The following KAZN variants were observed in gnomAD, a reference collection of about 807,000 sequenced individuals.
KAZN encodes the protein kazrin.
A neutral mutation model predicts 87.4 loss-of-function variants in KAZN; 40 were observed. That is an observed-to-expected ratio of 0.46 (90% CI 0.36 to 0.60). The LOEUF (loss-of-function observed/expected upper bound fraction) is 0.60. Among genes scored for constraint, KAZN ranks in the 20% least tolerant of loss-of-function variants. KAZN has a pLI of 0.00. For missense variants in KAZN, 898 were observed against 1,073.9 expected, an observed-to-expected ratio of 0.84 and a Z score of 2.29; for synonymous variants, 466 against 458.3, an observed-to-expected ratio of 1.02 and a Z score of -0.22.
At chr1:14,302,084 G>A (rs1043482241) in intron 2 of KAZN, among the ~76,000 whole-genome samples, 1 of 152,186 alleles carries the variant, frequency 6.6e-6, no homozygotes, top group East Asian at 1.9e-4. Flanking sequence ...CTGGATAAAT[G>A]TGTGGAAAAA....
chr1:14,335,766 G>C (rs1196199699), intron 2 of KAZN, among the ~76,000 whole-genome samples: 1 of 150,436 alleles, frequency 6.6e-6, no homozygotes, highest in Non-Finnish European at 1.5e-5. Flanking sequence ...CACACAGAGA[G>C]AGAGAGAGAG....
intron 1 of KAZN, among the ~76,000 whole-genome samples, chr1:14,112,964 G>T (rs2101677957): frequency 6.6e-6 from 1 of 152,332 alleles, no homozygotes; most frequent in South Asian, 2.1e-4. Flanking sequence ...GTCACTAACT[G>T]CATCCCTGGC....
intron 1 of KAZN, among the ~76,000 whole-genome samples, chr1:13,917,645 A>T (rs910550023): frequency 2.0e-5 from 3 of 151,948 alleles, no homozygotes; most frequent in African/African-American, 7.3e-5. Context: ...AAAATTTTTT[A>T]AAAATTAGCT....
chr1:14,571,460 C>A (rs1220403333), intron 2 of KAZN, among the ~76,000 whole-genome samples: 1 of 152,078 alleles, frequency 6.6e-6, no homozygotes, highest in African/African-American at 2.4e-5. Context: ...TTTGCTTTGG[C>A]CTAATTCAGT....
intron 1 of KAZN, among the ~76,000 whole-genome samples, chr1:13,902,410 G>A (rs113776921): frequency 0.011 from 1,651 of 152,318 alleles, 23 homozygotes; most frequent in African/African-American, 0.038. Flanking sequence ...GACATGTGTA[G>A]TCAGCCGGCT....
chr1:14,980,824 A>G (rs1666170968), intron 2 of KAZN, among the ~76,000 whole-genome samples: 1 of 152,152 alleles, frequency 6.6e-6, no homozygotes, highest in Admixed American at 6.5e-5. Flanking sequence ...CCAAAGGAAC[A>G]ATGCTTTCAG....
chr1:14,963,946 G>C (rs1664172660), intron 2 of KAZN, among the ~76,000 whole-genome samples: 1 of 152,132 alleles, frequency 6.6e-6, no homozygotes, highest in Non-Finnish European at 1.5e-5. Flanking sequence ...CCATGTCCCT[G>C]CAAAGGACAT....
chr1:15,051,248 A>T (rs1446389290), intron 4 of KAZN, among the ~76,000 whole-genome samples: 3 of 152,228 alleles, frequency 2.0e-5, no homozygotes, highest in Admixed American at 6.5e-5. Flanking sequence ...TTGCTCTCTG[A>T]TGTGGGAGAT....
chr1:14,998,624 C>T (rs12738366), intron 2 of KAZN, among the ~76,000 whole-genome samples: 13,065 of 152,262 alleles, frequency 0.086, 696 homozygotes, highest in Middle Eastern at 0.15. Context: ...TCTCAGCTCA[C>T]GGCAACCTCT....
At chr1:14,877,145 C>T (rs567375119) in intron 1 of KAZN, among the ~76,000 whole-genome samples, 2 of 152,166 alleles carry the variant, frequency 1.3e-5, no homozygotes, top group African/African-American at 4.8e-5. Flanking sequence ...GGGTGTTCCC[C>T]GCACTCTCTC....
At chr1:14,587,936 A>C (rs1675958982) in intron 2 of KAZN, among the ~76,000 whole-genome samples, 1 of 152,168 alleles carries the variant, frequency 6.6e-6, no homozygotes, top group Non-Finnish European at 1.5e-5. Context: ...TTTTCAACTC[A>C]GTAGCACCCA....
chr1:15,101,705 C>T lies in KAZN; in HGVS notation c.1710C>T (p.Ser570=), dbSNP rs1641075484. ...KRDLEKHLNV[S]KKFHQVSILL... is the part of the protein sequence containing the mutation. ...ACCTGGAGAAGCACCTGAACGTGTCCAAGAAGTTCCACCAGGTCAGCATCC... is the reference window on the plus strand; with the variant it reads ...ACCTGGAGAAGCACCTGAACGTGTCTAAGAAGTTCCACCAGGTCAGCATCC... Residue 570 remains serine, a synonymous_variant, in exon 11 of 15, where the codon TCC becomes TCT. Coordinates refer to ENST00000376030, the MANE Select transcript of KAZN (RefSeq NM_201628.3). 3 of 1,595,330 alleles carry T rather than the reference C, an allele frequency of 1.9e-6. No homozygotes were observed. The highest frequency in any genetic ancestry group is 2.3e-5 in the East Asian group (1 of 43,992).
intron 1 of KAZN, among the ~76,000 whole-genome samples, chr1:14,641,416 T>G (rs1001088985): frequency 2.8e-4 from 43 of 152,146 alleles, no homozygotes; most frequent in Admixed American, 2.7e-3. Flanking sequence ...GGAAGTTTCT[T>G]ATTCTTCCCC....
At chr1:14,553,538 C>A (rs4233529) in intron 2 of KAZN, among the ~76,000 whole-genome samples, 3 of 152,100 alleles carry the variant, frequency 2.0e-5, no homozygotes, top group African/African-American at 2.4e-5. Context: ...GGGCGCAAAT[C>A]CCATTTTTCA....
intron 2 of KAZN, among the ~76,000 whole-genome samples, chr1:14,408,976 A>G (rs757357269): frequency 1.3e-5 from 2 of 152,174 alleles, no homozygotes; most frequent in Non-Finnish European, 2.9e-5. Flanking sequence ...AGATGAGACC[A>G]GAGGATGGAC....
chr1:14,075,971 G>A (rs779588895), intron 1 of KAZN, among the ~76,000 whole-genome samples: 2 of 152,144 alleles, frequency 1.3e-5, no homozygotes, highest in Non-Finnish European at 1.5e-5. Flanking sequence ...GAGGTCATTA[G>A]GGTGGGATTT....
At chr1:14,723,601 AG>A (rs1643230270) in intron 1 of KAZN, among the ~76,000 whole-genome samples, 1 of 152,206 alleles carries the variant, frequency 6.6e-6, no homozygotes, top group South Asian at 2.1e-4. Flanking sequence ...GGCCCTTCAC[AG>A]TTGGCTGTCC....
chr1:14,711,757 C>T (rs899530028), intron 1 of KAZN, among the ~76,000 whole-genome samples: 2 of 152,192 alleles, frequency 1.3e-5, no homozygotes, highest in African/African-American at 4.8e-5. Context: ...GAAGCAGATC[C>T]TCTTCCGCAT....
At chr1:14,848,073 C>A (rs1294810541) in intron 1 of KAZN, among the ~76,000 whole-genome samples, 1 of 152,198 alleles carries the variant, frequency 6.6e-6, no homozygotes, top group Non-Finnish European at 1.5e-5. Flanking sequence ...GCATGAAAAA[C>A]ATGCAAATTT....
Sources: gnomAD v4.1 joint callset for allele counts (sites outside exome capture counted in the v4.1 genomes callset) on GRCh38, gnomAD v4.1.1 for gene constraint, MANE v1.5 for transcripts, NCBI Gene and HGNC (gene_info 2026-07-23, HGNC 2026-07-21) for gene names.